The following METTL24 variants were observed in gnomAD, a reference collection of about 807,000 sequenced individuals.
The protein encoded by METTL24 is probable methyltransferase-like protein 24.
METTL24 carries 29 observed loss-of-function variants against 32.7 expected under a neutral mutation model. The ratio of observed to expected loss-of-function variants is 0.89; its 90% CI spans 0.66 to 1.21. The LOEUF (loss-of-function observed/expected upper bound fraction) is 1.21. METTL24 is among the 50% of genes most tolerant of loss of function. METTL24 has a pLI of 0.00. For synonymous variants in METTL24, 163 were observed against 179.5 expected (o/e 0.91, Z 0.73); for missense variants, 439 against 468.1 (o/e 0.94, Z 0.57).
rs375991462 is a variant in METTL24 at position 110,315,452 on chromosome 6, G to C, written c.447C>G (p.Ser149Arg). The change falls in exon 3 of 5, where the codon AGC (serine) becomes AGG (arginine). Residue 149 changes from serine to arginine, a missense_variant. Transcript: ENST00000338882. ...QIACNHMNTDSLATDSSPTHK... is the reference protein window; with the variant it reads ...QIACNHMNTDRLATDSSPTHK... Reference sequence around the variant, plus strand: ...GTGTAGGACTAGAGTCAGTAGCCAGGCTGTCTGTATTCATGTGATTGCATG... The same window carrying C: ...GTGTAGGACTAGAGTCAGTAGCCAGCCTGTCTGTATTCATGTGATTGCATG... The C allele has an allele frequency of 1.3e-4, 202 of 1,614,078 alleles. No individual in the cohort carries two copies. The African/African-American group carries it at 2.5e-3, about 20-fold the overall frequency.
chr6:110,358,158 C>CG lies in METTL24; in HGVS notation c.114dup (p.Gly39ArgfsTer88). The CG allele has an allele frequency of 8.3e-7, 1 of 1,200,504 alleles. No homozygotes were observed. Among genetic ancestry groups the CG allele is most frequent in the Non-Finnish European group, 1.0e-6 (1 of 969,120 alleles). The allele number at this position is 1,200,504 out of a possible 1,614,324, so 74.4% of individuals were successfully genotyped here. A position where few individuals can be genotyped will look rare whatever the true frequency, so the allele number is the denominator to read the frequency against. ...GGCGGGGCGCTGCGGGTGGGGGACC[C>CG]GGGCCCGGCGCGCCGCAGCTCTGCG... On this transcript the variant is annotated frameshift_variant, in exon 1 of 5. Transcript: ENST00000338882. LOFTEE classifies it high-confidence loss of function.
intron 1 of METTL24, among the ~76,000 whole-genome samples, chr6:110,355,902 A>T (rs536532099): frequency 6.6e-6 from 1 of 151,896 alleles, no homozygotes; most frequent in African/African-American, 2.4e-5. Context: ...ATGAGTGTGA[A>T]CCTCCCCTCC....
intron 4 of METTL24, among the ~76,000 whole-genome samples, chr6:110,263,486 G>A (rs1395491540): frequency 1.3e-5 from 2 of 152,148 alleles, no homozygotes; most frequent in Non-Finnish European, 2.9e-5. Context: ...CAAACAAATG[G>A]AAGAACATTT....
At chr6:110,325,557 A>G (rs978564039) in intron 1 of METTL24, among the ~76,000 whole-genome samples, 2 of 152,272 alleles carry the variant, frequency 1.3e-5, no homozygotes, top group East Asian at 3.9e-4. Flanking sequence ...GAGACAGACT[A>G]TGATGTTGTT....
intron 4 of METTL24, among the ~76,000 whole-genome samples, chr6:110,260,330 T>A (rs1221799278): frequency 6.6e-6 from 1 of 152,164 alleles, no homozygotes; most frequent in African/African-American, 2.4e-5. Flanking sequence ...ACAAGCTTTA[T>A]CAGCTGATTC....
intron 1 of METTL24, among the ~76,000 whole-genome samples, chr6:110,326,014 G>A (rs1762216647): frequency 6.6e-6 from 1 of 152,186 alleles, no homozygotes; most frequent in South Asian, 2.1e-4. Flanking sequence ...ACCTTCTGTG[G>A]CCCTCCTGTC....
intron 1 of METTL24, among the ~76,000 whole-genome samples, chr6:110,336,460 G>T (rs1439186530): frequency 6.6e-6 from 1 of 152,356 alleles, no homozygotes; most frequent in Non-Finnish European, 1.5e-5. Flanking sequence ...ATGGTTATCA[G>T]CTGGGCGCGG....
intron 1 of METTL24, among the ~76,000 whole-genome samples, chr6:110,323,132 C>T (rs1771959000): frequency 6.6e-6 from 1 of 152,210 alleles, no homozygotes; most frequent in Non-Finnish European, 1.5e-5. Context: ...GACTGTCTGA[C>T]TCTGCATGTA....
At chr6:110,253,932 A>C in intron 4 of METTL24, 1 of 1,457,414 alleles carries the variant, frequency 6.9e-7, no homozygotes, top group Non-Finnish European at 9.1e-7. Flanking sequence ...GCAGGTCCCC[A>C]GGAGGGGTGA....
rs1778126658 is a variant in METTL24, at chr6:110,245,012, T to TC, written c.*933_*934insG. Among the ~76,000 whole-genome samples the TC allele has an allele frequency of 6.6e-6, 1 of 152,134 alleles. No homozygotes were observed. Among genetic ancestry groups the TC allele is most frequent in the East Asian group, 1.9e-4 (1 of 5,184 alleles). On this transcript the variant is annotated 3_prime_UTR_variant, in exon 5 of 5. Coordinates refer to ENST00000338882, the MANE Select transcript of METTL24 (RefSeq NM_001123364.3). ...TATCTATCTATCTATCATCTATCTATTTATCTACCTACCTACCTACAATGG... is the reference window on the plus strand; with the variant it reads ...TATCTATCTATCTATCATCTATCTATCTTATCTACCTACCTACCTACAATGG...
At chr6:110,257,083 G>A (rs1021171322) in intron 4 of METTL24, among the ~76,000 whole-genome samples, 1 of 152,222 alleles carries the variant, frequency 6.6e-6, no homozygotes, top group Admixed American at 6.5e-5. Context: ...TAATCTGAGA[G>A]AAGATGACTT....
At chr6:110,356,209 T>G (rs1772693797) in intron 1 of METTL24, among the ~76,000 whole-genome samples, 1 of 152,076 alleles carries the variant, frequency 6.6e-6, no homozygotes, top group Non-Finnish European at 1.5e-5. Flanking sequence ...TTTGGGGGAT[T>G]GAGGCGGGTG....
At chr6:110,248,786 T>A (rs1257753571) in intron 4 of METTL24, among the ~76,000 whole-genome samples, 1 of 151,912 alleles carries the variant, frequency 6.6e-6, no homozygotes, top group Non-Finnish European at 1.5e-5. Flanking sequence ...AATAAAACAT[T>A]ATTAATAAAG....
rs534053009 is a variant in METTL24 at position 110,285,723 on chromosome 6, A to G, written c.786+13199T>C. On this transcript the variant is annotated intron_variant, in intron 4 of 4. Transcript: ENST00000338882. ...GAACGTAACATTCCTCTACAGACCC[A>G]TTGTCTCCTTTAGGAAAGGAAGTCA... Among the ~76,000 whole-genome samples the G allele has an allele frequency of 1.3e-3, 200 of 152,276 alleles. 2 individuals are homozygous for G. Among genetic ancestry groups the G allele is most frequent in the East Asian group, 5.8e-4 (3 of 5,180 alleles).
At chr6:110,288,709 T>TGAATGAACAC (rs1771267642) in intron 4 of METTL24, among the ~76,000 whole-genome samples, 1 of 151,772 alleles carries the variant, frequency 6.6e-6, no homozygotes, top group African/African-American at 2.4e-5. Flanking sequence ...AAGATGAACA[T>TGAATGAACAC]CTCCATGAAT....
chr6:110,354,891 G>A (rs1443832564), intron 1 of METTL24, among the ~76,000 whole-genome samples: 1 of 152,174 alleles, frequency 6.6e-6, no homozygotes, highest in African/African-American at 2.4e-5. Context: ...CTAAGAAAAT[G>A]TTTACCTTAG....
rs1772736141 is a variant in METTL24 at position 110,358,099 on chromosome 6, C to T, written c.174G>A (p.Leu58=). 9.9e-7 allele frequency: 1 copy of T among 1,008,592 alleles called. No homozygotes were observed. Among genetic ancestry groups the T allele is most frequent in the African/African-American group, 1.7e-5 (1 of 57,432 alleles). The allele number at this position is 1,008,592 out of a possible 1,614,324, so 62.5% of individuals were successfully genotyped here. The change falls in exon 1 of 5, where the codon CTG becomes CTA. Residue 58 remains leucine, a synonymous_variant. Transcript: ENST00000338882. ...CGCGCGGCTGGCCCGGCGCGGGCGG[C>T]AGGTGCGGCCCAGGTGGCCGCCAGG... ...GPAWRPPGPH[L]PPAPGQPRGA...
In METTL24 at chr6:110,315,336, A is replaced by G; in HGVS notation, c.557+6T>C. ...GTTTTCTTCTGCTGTAAAAAAATGT[A>G]CTCACCCTAAGGAGTAGAGGCGGCA... On this transcript the variant is annotated splice_donor_region_variant and intron_variant, in intron 3 of 4. Coordinates refer to ENST00000338882, the MANE Select transcript of METTL24 (RefSeq NM_001123364.3). 1.2e-6 allele frequency: 2 copies of G among 1,613,720 alleles called. No individual in the cohort carries two copies. Among genetic ancestry groups the G allele is most frequent in the Non-Finnish European group, 1.7e-6 (2 of 1,179,948 alleles).
intron 3 of METTL24, 143 bp from the exon 4 acceptor site, chr6:110,299,293 A>T: frequency 1.5e-6 from 1 of 659,936 alleles, no homozygotes. Flanking sequence ...GTACACATTC[A>T]ATAAACTTTC....
Sources: gnomAD v4.1 joint callset for allele counts (sites outside exome capture counted in the v4.1 genomes callset) on GRCh38, gnomAD v4.1.1 for gene constraint, MANE v1.5 for transcripts, NCBI Gene and HGNC (gene_info 2026-07-23, HGNC 2026-07-21) for gene names.